AAK1: variants seen among roughly 807,000 people sequenced by gnomAD.
AAK1 encodes AP2-associated protein kinase 1.
Under a neutral mutation model 116.0 loss-of-function variants are expected in AAK1, and 37 were observed. That is an observed-to-expected ratio of 0.32 (90% confidence interval 0.25 to 0.42). AAK1 has a LOEUF of 0.42. Among genes scored for constraint, AAK1 ranks in the 10% least tolerant of loss-of-function variants. The pLI, the probability that AAK1 is intolerant of heterozygous loss-of-function variation, is 1.00. For missense variants in AAK1, 919 were observed against 1,170.6 expected (o/e 0.79, Z 3.14); for synonymous variants, 458 against 439.9 (o/e 1.04, Z -0.51).
Position 69,471,562 on chromosome 2 carries a change from C to T in AAK1, c.*4307G>A, listed in dbSNP as rs922845408. On this transcript the variant is annotated 3_prime_UTR_variant, in exon 22 of 22. Transcript: ENST00000409085. ...CAGGCAGCCTCTAATTTGCTTAACCCGGCACACTGGGCAATCCTGTCATTT... is the reference window on the plus strand; with the variant it reads ...CAGGCAGCCTCTAATTTGCTTAACCTGGCACACTGGGCAATCCTGTCATTT... The T allele has an allele frequency of 6.1e-6, 6 of 985,344 alleles. No individual in the cohort carries two copies. Among genetic ancestry groups the T allele is most frequent in the African/African-American group, 5.2e-5 (3 of 57,332 alleles). The allele number at this position is 985,344 out of a possible 1,614,324, so 61.0% of individuals were successfully genotyped here. A position where few individuals can be genotyped will look rare whatever the true frequency, so the allele number is the denominator to read the frequency against.
rs1674453613 is a variant in AAK1 at position 69,465,416 on chromosome 2, GT to G, written c.*10452del. 2.3e-6 allele frequency: 3 copies of G among 1,279,312 alleles called. No individual in the cohort carries two copies. Among genetic ancestry groups the G allele is most frequent in the Admixed American group, 2.3e-5 (1 of 42,950 alleles). The allele number at this position is 1,279,312 out of a possible 1,614,324, so 79.2% of individuals were successfully genotyped here. ...TAGAGACAAGAGGCTTGAGGCTCAG[GT>G]TTTGCTCCTAGGGTTTCTTGCCTGA... On this transcript the variant is annotated 3_prime_UTR_variant, in exon 22 of 22. Coordinates refer to ENST00000409085, the MANE Select transcript of AAK1 (RefSeq NM_014911.5).
intron 2 of AAK1, among the ~76,000 whole-genome samples, chr2:69,571,765 C>G (rs1339318963): frequency 6.6e-6 from 1 of 152,088 alleles, no homozygotes; most frequent in Admixed American, 6.5e-5. Flanking sequence ...GGTCAAATAC[C>G]TATTTGGGAA....
intron 16 of AAK1, among the ~76,000 whole-genome samples, chr2:69,499,201 A>G (rs564275512): frequency 7.9e-5 from 12 of 152,250 alleles, no homozygotes; most frequent in African/African-American, 2.9e-4. Context: ...CCCCACTGAC[A>G]CACTACTAAC....
chr2:69,558,140 C>A (rs1671466147), intron 2 of AAK1, among the ~76,000 whole-genome samples: 1 of 152,038 alleles, frequency 6.6e-6, no homozygotes, highest in South Asian at 2.1e-4. Flanking sequence ...CTCAGGAGTT[C>A]AGGACCACCC....
intron 16 of AAK1, 23 bp downstream of exon 16, chr2:69,505,546 T>C (rs1558917757): frequency 3.7e-6 from 6 of 1,600,520 alleles, no homozygotes; most frequent in Non-Finnish European, 5.1e-6. Context: ...GAACCTCCCG[T>C]TCCAGGTATT....
intron 2 of AAK1, among the ~76,000 whole-genome samples, chr2:69,593,493 A>T (rs1435590600): frequency 6.6e-6 from 1 of 151,628 alleles, no homozygotes; most frequent in Non-Finnish European, 1.5e-5. Flanking sequence ...TATATATATT[A>T]TATAACATGT....
chr2:69,482,317 A>G, intron 18 of AAK1: 3 of 417,996 alleles, frequency 7.2e-6, no homozygotes, highest in Non-Finnish European at 8.5e-6. Context: ...TTGCCATTGC[A>G]CTCCAGCCTA....
rs1226201634 is a variant in AAK1 at position 69,474,961 on chromosome 2, TC to T, written c.*907del. 2.2e-6 allele frequency: 1 copy of T among 445,030 alleles called. No homozygotes were observed. The highest frequency in any genetic ancestry group is 1.1e-4 in the Admixed American group (1 of 9,018). 27.6% of individuals were successfully genotyped at this position (445,030 alleles called of 1,614,324 possible). A position where few individuals can be genotyped will look rare whatever the true frequency, so the allele number is the denominator to read the frequency against. On this transcript the variant is annotated 3_prime_UTR_variant, in exon 22 of 22. Transcript: ENST00000409085. ...CTGTTTCTGCTACAATTCCTTCCCC[TC>T]CCCATCCTCCCCCCACCCCCGCCCC...
chr2:69,528,215 G>C (rs1004022364), intron 8 of AAK1, among the ~76,000 whole-genome samples: 2 of 152,228 alleles, frequency 1.3e-5, no homozygotes, highest in Non-Finnish European at 2.9e-5. Flanking sequence ...ACAGGGTAGA[G>C]AGAAGTCTGA....
At chr2:69,510,603 T>C (rs1382020679) in intron 13 of AAK1, among the ~76,000 whole-genome samples, 1 of 152,214 alleles carries the variant, frequency 6.6e-6, no homozygotes, top group African/African-American at 2.4e-5. Context: ...GTTCTCTTTT[T>C]AGCTCTGTGA....
chr2:69,643,692 G>A lies in AAK1; in HGVS notation c.-352C>T, dbSNP rs912609360. ...TGCAGCGAGAGCCGGGGCCGCGCTC[G>A]GCTCCCGCCCGCCCGCCAGCTGATC... On this transcript the variant is annotated 5_prime_UTR_variant, in exon 1 of 22. Coordinates refer to ENST00000409085, the MANE Select transcript of AAK1 (RefSeq NM_014911.5). The A allele has an allele frequency of 2.8e-5, 34 of 1,219,824 alleles. 1 individual carries two copies. In the African/African-American group the frequency reaches 5.3e-4, roughly 19 times the overall value. 75.6% of individuals were successfully genotyped at this position (1,219,824 alleles called of 1,614,324 possible).
At chr2:69,617,471 A>G in intron 2 of AAK1, among the ~76,000 whole-genome samples, 1 of 152,228 alleles carries the variant, frequency 6.6e-6, no homozygotes, top group East Asian at 1.9e-4. Flanking sequence ...TCTAAGTTTA[A>G]TGCATTAATT....
intron 2 of AAK1, among the ~76,000 whole-genome samples, chr2:69,617,824 C>T (rs923846779): frequency 2.0e-5 from 3 of 152,166 alleles, no homozygotes; most frequent in Non-Finnish European, 4.4e-5. Context: ...GATGCCTCTA[C>T]TATTTTGGTT....
Position 69,464,404 on chromosome 2 carries a change from A to T in AAK1, c.*11465T>A, listed in dbSNP as rs899607193. The T allele has an allele frequency of 6.6e-6, 1 of 152,314 alleles. No homozygotes were observed. The highest frequency in any genetic ancestry group is 1.5e-5 in the Non-Finnish European group (1 of 68,044). The allele number at this position is 152,314 out of a possible 1,614,324, so 9.4% of individuals were successfully genotyped here. A position where few individuals can be genotyped will look rare whatever the true frequency, so the allele number is the denominator to read the frequency against. ...AATTTTTCATAATCAGGTAAATATA[A>T]TTTGTTAATAGCAAAACAAGAAATT... On this transcript the variant is annotated 3_prime_UTR_variant, in exon 22 of 22. Transcript: ENST00000409085.
chr2:69,511,461 C>T (rs1676392544), intron 13 of AAK1, among the ~76,000 whole-genome samples: 1 of 152,228 alleles, frequency 6.6e-6, no homozygotes, highest in South Asian at 2.1e-4. Flanking sequence ...GCAGAGTGCT[C>T]TGTGAAGACA....
At chr2:69,622,501 T>C (rs1281336476) in intron 2 of AAK1, among the ~76,000 whole-genome samples, 2 of 152,198 alleles carry the variant, frequency 1.3e-5, no homozygotes, top group East Asian at 3.8e-4. Context: ...CCAGCTGGGC[T>C]CCCGAGTCTA....
chr2:69,632,421 T>C (rs563139973), intron 2 of AAK1, among the ~76,000 whole-genome samples: 10 of 152,316 alleles, frequency 6.6e-5, no homozygotes, highest in Admixed American at 2.0e-4. Context: ...AAAGATCCCA[T>C]AGTGCACAAG....
intron 9 of AAK1, among the ~76,000 whole-genome samples, chr2:69,525,908 T>C (rs1284078420): frequency 6.6e-6 from 1 of 151,984 alleles, no homozygotes; most frequent in Non-Finnish European, 1.5e-5. Flanking sequence ...GTTTGGTTAC[T>C]GCACAGTATC....
At chr2:69,506,544 T>G (rs1461463814) in intron 15 of AAK1, among the ~76,000 whole-genome samples, 1 of 152,158 alleles carries the variant, frequency 6.6e-6, no homozygotes, top group Non-Finnish European at 1.5e-5. Flanking sequence ...TTAAAATTTT[T>G]TGTAGAGATA....
Sources: allele counts gnomAD v4.1 joint callset (sites outside exome capture counted in the v4.1 genomes callset), GRCh38; gene constraint gnomAD v4.1.1; transcripts MANE v1.5; gene names NCBI Gene and HGNC (gene_info 2026-07-23, HGNC 2026-07-21).